PIK3CA: variants seen among roughly 807,000 people sequenced by gnomAD.
PIK3CA encodes phosphatidylinositol-4,5-bisphosphate 3-kinase catalytic subunit alpha.
In PIK3CA, 27 loss-of-function variants were observed where a neutral mutation model predicts 138.2. The observed-to-expected ratio is 0.20, with a 90% CI of 0.14 to 0.27. The LOEUF (loss-of-function observed/expected upper bound fraction) is 0.27, where lower values mean the gene tolerates loss of function less well. PIK3CA is among the 10% of genes least tolerant of loss of function. The pLI, the probability that PIK3CA is intolerant of heterozygous loss-of-function variation, is 1.00. For synonymous variants in PIK3CA, 358 were observed against 413.2 expected (o/e 0.87, Z 1.62); for missense variants, 544 against 1,277.4 (o/e 0.43, Z 8.75).
intron 1 of PIK3CA, among the ~76,000 whole-genome samples, chr3:179,188,781 C>T (rs1409302615): frequency 4.6e-5 from 7 of 152,166 alleles, no homozygotes; most frequent in Admixed American, 1.3e-4. Context: ...AAATATATAT[C>T]GTTTTCCACA....
chr3:179,154,119 G>A (rs1012906278), intron 1 of PIK3CA, among the ~76,000 whole-genome samples: 41 of 152,202 alleles, frequency 2.7e-4, no homozygotes, highest in African/African-American at 9.2e-4. Flanking sequence ...TAATAAAAGT[G>A]GTGGCTTAGA....
At chr3:179,178,403 CATT>C (rs1169672321) in intron 1 of PIK3CA, among the ~76,000 whole-genome samples, 10 of 151,902 alleles carry the variant, frequency 6.6e-5, no homozygotes, top group Admixed American at 6.6e-4. Context: ...TTTCCACCAT[CATT>C]ATTAGTCATC....
At chr3:179,207,549 C>CTT (rs199712520) in intron 6 of PIK3CA, among the ~76,000 whole-genome samples, 2 of 141,442 alleles carry the variant, frequency 1.4e-5, no homozygotes, top group African/African-American at 2.6e-5. Flanking sequence ...TTTTTCTTTT[C>CTT]TTTTTTTTTT....
intron 1 of PIK3CA, among the ~76,000 whole-genome samples, chr3:179,164,169 A>C (rs1723355238): frequency 6.6e-6 from 1 of 152,046 alleles, no homozygotes; most frequent in African/African-American, 2.4e-5. Flanking sequence ...AAACTATAGA[A>C]AACAAAGAAA....
intron 9 of PIK3CA, among the ~76,000 whole-genome samples, chr3:179,213,292 A>C (rs1724761923): frequency 6.6e-6 from 1 of 152,206 alleles, no homozygotes; most frequent in South Asian, 2.1e-4. Flanking sequence ...GTGCATATAA[A>C]AGTTCTGTTC....
intron 6 of PIK3CA, among the ~76,000 whole-genome samples, chr3:179,205,719 T>C (rs1400707619): frequency 6.6e-6 from 1 of 152,216 alleles, no homozygotes; most frequent in Non-Finnish European, 1.5e-5. Context: ...ATCCTGCATT[T>C]CTTTGCTTCT....
chr3:179,237,687 GCAT>G lies in PIK3CA; in HGVS notation c.*3327_*3329del, dbSNP rs2108432855. 1 of 210,302 alleles carries G rather than the reference GCAT, an allele frequency of 4.8e-6. No individual in the cohort carries two copies. Among genetic ancestry groups the G allele is most frequent in the African/African-American group, 2.3e-5 (1 of 44,170 alleles). 13.0% of individuals were successfully genotyped at this position (210,302 alleles called of 1,614,324 possible). Reference sequence around the variant, plus strand: ...AAATTGTGAGCAGCCTATTTGAAAGGCATCATGGAAATTTCACAGCACAATAAC... The same window carrying G: ...AAATTGTGAGCAGCCTATTTGAAAGGCATGGAAATTTCACAGCACAATAAC... On this transcript the variant is annotated 3_prime_UTR_variant, in exon 21 of 21. Coordinates refer to ENST00000263967, the MANE Select transcript of PIK3CA (RefSeq NM_006218.4).
rs892519544 is a variant in PIK3CA, at chr3:179,237,274, A to G, written c.*2910A>G. The G allele has an allele frequency of 1.0e-5, 2 of 194,820 alleles. No individual in the cohort carries two copies. Among genetic ancestry groups the G allele is most frequent in the Non-Finnish European group, 2.1e-5 (2 of 93,728 alleles). 12.1% of individuals were successfully genotyped at this position (194,820 alleles called of 1,614,324 possible). A position where few individuals can be genotyped will look rare whatever the true frequency, so the allele number is the denominator to read the frequency against. On this transcript the variant is annotated 3_prime_UTR_variant, in exon 21 of 21. Transcript: ENST00000263967. ...AATGGAATTTGGTTGCTATTTTACAATAGAACCTAAGCTTTTTGTGGTTCT... is the reference window on the plus strand; with the variant it reads ...AATGGAATTTGGTTGCTATTTTACAGTAGAACCTAAGCTTTTTGTGGTTCT...
At chr3:179,223,280 G>C (rs1489394549) in intron 14 of PIK3CA, among the ~76,000 whole-genome samples, 1 of 152,024 alleles carries the variant, frequency 6.6e-6, no homozygotes, top group African/African-American at 2.4e-5. Flanking sequence ...ATAATTCCTA[G>C]CTCCTAACCA....
rs1216761887 is a variant in PIK3CA at position 179,234,529 on chromosome 3, C to T, written c.*165C>T. On this transcript the variant is annotated 3_prime_UTR_variant, in exon 21 of 21. Transcript: ENST00000263967. This position sits in a 1 kb window ranked among gnomAD's most constrained non-coding sequence, Gnocchi z 5.1. ...TACTATATAATTTAAATAATGTAAA[C>T]GCAAACAGGGTTTGATAGCACTTAA... 1.7e-5 allele frequency: 8 copies of T among 481,224 alleles called. No individual in the cohort carries two copies. The highest frequency in any genetic ancestry group is 9.6e-5 in the East Asian group (3 of 31,180). 29.8% of individuals were successfully genotyped at this position (481,224 alleles called of 1,614,324 possible).
intron 1 of PIK3CA, among the ~76,000 whole-genome samples, chr3:179,195,050 A>C (rs557278734): frequency 1.3e-5 from 2 of 151,892 alleles, no homozygotes; most frequent in African/African-American, 4.8e-5. Context: ...GAGACAGATA[A>C]CAAGGGATTC....
intron 1 of PIK3CA, among the ~76,000 whole-genome samples, chr3:179,159,448 C>T (rs891636512): frequency 1.4e-4 from 21 of 152,102 alleles, no homozygotes; most frequent in Admixed American, 3.3e-4. Context: ...TTTTGAATTC[C>T]CATAAACCCA....
intron 6 of PIK3CA, among the ~76,000 whole-genome samples, chr3:179,205,197 C>A (rs944432823): frequency 6.6e-6 from 1 of 151,256 alleles, no homozygotes; most frequent in East Asian, 1.9e-4. Flanking sequence ...ATTAGTGAGA[C>A]CTGATCTCAA....
chr3:179,173,187 G>C (rs1723603602), intron 1 of PIK3CA, among the ~76,000 whole-genome samples: 1 of 151,632 alleles, frequency 6.6e-6, no homozygotes, highest in East Asian at 1.9e-4. Flanking sequence ...AAATAAACTT[G>C]GTTAGGTATT....
intron 1 of PIK3CA, among the ~76,000 whole-genome samples, chr3:179,151,980 C>G (rs1723024634): frequency 6.6e-6 from 1 of 152,144 alleles, no homozygotes; most frequent in African/African-American, 2.4e-5. Context: ...ATAGGGACTC[C>G]TATCTTATAT....
chr3:179,206,062 T>A (rs972915195), intron 6 of PIK3CA, among the ~76,000 whole-genome samples: 5 of 151,442 alleles, frequency 3.3e-5, no homozygotes, highest in African/African-American at 1.2e-4. Context: ...GAAATGAGAT[T>A]GTGACAACAA....
rs531682944 is a variant in PIK3CA at position 179,198,381 on chromosome 3, T to C, written c.-76-369T>C. Among the ~76,000 whole-genome samples the C allele has an allele frequency of 2.9e-4, 44 of 152,310 alleles. No individual in the cohort carries two copies. The South Asian group carries it at 7.9e-3, about 27-fold the overall frequency. ...GCCTAAATTCTGTTTTTCCGTAAGATAGAAGAGAATGATAAAGGTGATATG... is the reference window on the plus strand; with the variant it reads ...GCCTAAATTCTGTTTTTCCGTAAGACAGAAGAGAATGATAAAGGTGATATG... On this transcript the variant is annotated intron_variant, in intron 1 of 20. Transcript: ENST00000263967.
At position 179,203,658 on chromosome 3, in the gene PIK3CA, C is replaced by T. The variant is rs780572147; in HGVS notation, c.928C>T (p.Arg310Cys). The T allele has an allele frequency of 3.1e-6, 5 of 1,613,788 alleles. No individual in the cohort carries two copies. The highest frequency in any genetic ancestry group is 1.7e-5 in the Admixed American group (1 of 59,996). Residue 310 changes from arginine (R) to cysteine (C), a missense_variant, in exon 5 of 21, where the codon CGC becomes TGC. By Grantham distance (180) the Arg-to-Cys change is radical. Transcript: ENST00000263967. Reference sequence around the variant, plus strand: ...TTTTACAATGCCATCTTATTCCAGACGCATTTCCACAGCTACACCATATAT... The same window carrying T: ...TTTTACAATGCCATCTTATTCCAGATGCATTTCCACAGCTACACCATATAT... Reference protein sequence around the residue: ...DCFTMPSYSRRISTATPYMNG... With the variant: ...DCFTMPSYSRCISTATPYMNG...
chr3:179,180,372 A>G (rs1347455893), intron 1 of PIK3CA, among the ~76,000 whole-genome samples: 1 of 152,174 alleles, frequency 6.6e-6, no homozygotes, highest in Non-Finnish European at 1.5e-5. Flanking sequence ...CCTCATTTAT[A>G]TACTTCATTT....
Sources: allele counts gnomAD v4.1 joint callset (sites outside exome capture counted in the v4.1 genomes callset), GRCh38; gene constraint gnomAD v4.1.1; non-coding constraint Gnocchi (gnomAD v3.1); transcripts MANE v1.5; gene names NCBI Gene and HGNC (gene_info 2026-07-23, HGNC 2026-07-21).